Variants in KDM2B observed in about 807,000 individuals in gnomAD.
The protein encoded by KDM2B is lysine demethylase 2B.
A neutral mutation model predicts 150.0 loss-of-function variants in KDM2B; 26 were observed. That is an observed-to-expected ratio of 0.17 (90% CI 0.13 to 0.24). The LOEUF (loss-of-function observed/expected upper bound fraction) is 0.24, where lower values mean the gene tolerates loss of function less well. Among genes scored for constraint, KDM2B ranks in the 10% least tolerant of loss-of-function variants. The probability of loss-of-function intolerance (pLI) is 1.00; values close to 1 mark genes in which losing one functional copy is unlikely to be tolerated. For synonymous variants in KDM2B, 734 were observed against 729.5 expected (o/e 1.01, Z -0.10); for missense variants, 1,265 against 1,816.9 (o/e 0.70, Z 5.52).
At chr12:121,436,687 G>A (rs1874048482) in intron 22 of KDM2B, among the ~76,000 whole-genome samples, 1 of 152,110 alleles carries the variant, frequency 6.6e-6, no homozygotes, top group African/African-American at 2.4e-5. Flanking sequence ...TTTTCTACAA[G>A]TGAAGAACAC....
intron 11 of KDM2B, among the ~76,000 whole-genome samples, chr12:121,502,388 G>A (rs1479702389): frequency 1.3e-5 from 2 of 152,204 alleles, no homozygotes; most frequent in African/African-American, 2.4e-5. Context: ...TGGGGAGGCC[G>A]AGATAGGCAG....
intron 4 of KDM2B, among the ~76,000 whole-genome samples, chr12:121,556,244 C>T (rs1477079312): frequency 6.6e-6 from 1 of 151,962 alleles, no homozygotes; most frequent in Non-Finnish European, 1.5e-5. Context: ...TTTTTTGAGA[C>T]AAAGCCTCAC....
intron 13 of KDM2B, among the ~76,000 whole-genome samples, chr12:121,448,057 G>A (rs1876575829): frequency 6.6e-6 from 1 of 152,002 alleles, no homozygotes; most frequent in South Asian, 2.1e-4. Context: ...GATAGCACAT[G>A]CCTGCAATCC....
At chr12:121,497,721 T>A (rs1884124893) in intron 11 of KDM2B, among the ~76,000 whole-genome samples, 2 of 152,050 alleles carry the variant, frequency 1.3e-5, no homozygotes, top group Admixed American at 1.3e-4. Context: ...TCTAAGAAAC[T>A]ATGGCAGCTA....
chr12:121,536,167 TCCTGGTGCCCCCTCCCTCTGGCTG>T, intron 6 of KDM2B: 2 of 892,030 alleles, frequency 2.2e-6, no homozygotes, highest in Non-Finnish European at 2.7e-6. Flanking sequence ...GGCGGAGGGC[TCCTGGTGCCCCCTCCCTCTGGCTG>T]CCTTTTGCAC....
intron 13 of KDM2B, among the ~76,000 whole-genome samples, chr12:121,448,224 G>A (rs1392074700): frequency 6.7e-6 from 1 of 150,324 alleles, no homozygotes; most frequent in African/African-American, 2.5e-5. Context: ...GGAGACTGAG[G>A]TGGGAGGACT....
chr12:121,582,121 T>C (rs1891988939), upstream of KDM2B, among the ~76,000 whole-genome samples: 2 of 152,194 alleles, frequency 1.3e-5, no homozygotes. Context: ...TCCAGAACCA[T>C]GGACCATTTT....
chr12:121,434,218 T>C (rs894600436), intron 22 of KDM2B, among the ~76,000 whole-genome samples: 23 of 151,546 alleles, frequency 1.5e-4, no homozygotes, highest in African/African-American at 3.9e-4. Flanking sequence ...GGCATAAGGA[T>C]AGACATATAG....
In KDM2B at chr12:121,509,833, G is replaced by A; in HGVS notation, c.1381C>T (p.Pro461Ser). 1 of 1,614,102 alleles carries A rather than the reference G, an allele frequency of 6.2e-7. No homozygotes were observed. Among genetic ancestry groups the A allele is most frequent in the East Asian group, 2.2e-5 (1 of 44,856 alleles). Reference sequence around the variant, plus strand: ...AGGAATCGCAGGGCAGGTGCTTTGGGCTTCTTCCCGAGGGCCTCCTGGTCC... The same window carrying A: ...AGGAATCGCAGGGCAGGTGCTTTGGACTTCTTCCCGAGGGCCTCCTGGTCC... ...SEDQEALGKKPKAPALRFLKR... is the reference protein window; with the variant it reads ...SEDQEALGKKSKAPALRFLKR... The change falls in exon 11 of 23, where the codon CCC (proline) becomes TCC (serine). Residue 461 changes from proline (P) to serine (S), a missense_variant. By Grantham distance (74) the Pro-to-Ser change is moderately conservative. Transcript: ENST00000377071.
At chr12:121,483,333 C>T (rs1160805514) in intron 12 of KDM2B, among the ~76,000 whole-genome samples, 3 of 151,932 alleles carry the variant, frequency 2.0e-5, no homozygotes, top group South Asian at 2.1e-4. Context: ...CTAGTGGAGG[C>T]TCCGTTCACA....
chr12:121,558,202 C>T (rs184926785), intron 4 of KDM2B, among the ~76,000 whole-genome samples: 20 of 152,288 alleles, frequency 1.3e-4, no homozygotes, highest in African/African-American at 3.6e-4. Context: ...CACTCTTTGT[C>T]GCATGAGGAA....
intron 13 of KDM2B, among the ~76,000 whole-genome samples, chr12:121,449,580 C>A (rs1210446907): frequency 2.6e-5 from 4 of 152,064 alleles, no homozygotes; most frequent in Non-Finnish European, 4.4e-5. Context: ...TATAACTGGG[C>A]CCAGCACACG....
At chr12:121,437,534 G>C (rs1874212785) in intron 22 of KDM2B, among the ~76,000 whole-genome samples, 1 of 152,016 alleles carries the variant, frequency 6.6e-6, no homozygotes, top group South Asian at 2.1e-4. Flanking sequence ...GCAGTATATG[G>C]GCTGCCAAAG....
the KDM2B span, among the ~76,000 whole-genome samples, chr12:121,421,191 G>A: frequency 1.3e-5 from 2 of 151,952 alleles, no homozygotes; most frequent in African/African-American, 2.4e-5. Context: ...ATAGTTCTTA[G>A]CATCAACTAT....
intron 12 of KDM2B, among the ~76,000 whole-genome samples, chr12:121,474,242 G>A (rs1210714855): frequency 3.9e-5 from 6 of 152,124 alleles, no homozygotes; most frequent in South Asian, 2.1e-4. Context: ...GGCCGGGCAC[G>A]GTGGCTCACA....
Position 121,513,426 on chromosome 12 carries a change from C to T in KDM2B, c.1048-24G>A. The T allele has an allele frequency of 2.5e-6, 4 of 1,605,238 alleles. No individual in the cohort carries two copies. Among genetic ancestry groups the T allele is most frequent in the Non-Finnish European group, 3.4e-6 (4 of 1,172,982 alleles). The stretch of plus-strand genomic sequence containing the variant: ...ACCTGAAAGCAAAGACGCAGGCAGG[C>T]AGAGGTCAGTTTCCAGAGGGCGAAG... On this transcript the variant is annotated intron_variant, in intron 9 of 22. Transcript: ENST00000377071. This position sits in a 1 kb window ranked among gnomAD's most constrained non-coding sequence, Gnocchi z 5.0.
In KDM2B at chr12:121,549,418, G is replaced by A. The variant is rs1889315151; in HGVS notation, c.576+42C>T. 6.6e-7 allele frequency: 1 copy of A among 1,523,940 alleles called. No individual in the cohort carries two copies. Among genetic ancestry groups the A allele is most frequent in the Non-Finnish European group, 8.9e-7 (1 of 1,121,042 alleles). The allele number at this position is 1,523,940 out of a possible 1,614,324, so 94.4% of individuals were successfully genotyped here. ...GGCAGGGGGACAGGGAAGGAGATGA[G>A]GTGGAAGGTATCTGGGGAGGGTACC... On this transcript the variant is annotated intron_variant, in intron 5 of 22. Coordinates refer to ENST00000377071, the MANE Select transcript of KDM2B (RefSeq NM_032590.5). This position sits in a 1 kb window ranked among gnomAD's most constrained non-coding sequence, Gnocchi z 4.4.
At chr12:121,526,557 TTTTC>T (rs1236221778) in intron 8 of KDM2B, among the ~76,000 whole-genome samples, 5 of 151,744 alleles carry the variant, frequency 3.3e-5, no homozygotes, top group Admixed American at 6.6e-5. Context: ...GCCTTAGGTA[TTTTC>T]TTTATTTGTT....
chr12:121,461,153 G>C (rs1028454228), intron 12 of KDM2B, among the ~76,000 whole-genome samples: 1 of 152,304 alleles, frequency 6.6e-6, no homozygotes, highest in African/African-American at 2.4e-5. Flanking sequence ...CTTAGAGGGA[G>C]AACAGGACCC....
Sources: gnomAD v4.1 joint callset for allele counts (sites outside exome capture counted in the v4.1 genomes callset) on GRCh38, gnomAD v4.1.1 for gene constraint, Gnocchi (gnomAD v3.1) non-coding constraint, MANE v1.5 for transcripts, NCBI Gene and HGNC (gene_info 2026-07-23, HGNC 2026-07-21) for gene names.